Variants in UNC79 observed in about 807,000 individuals in gnomAD.
The protein encoded by UNC79 is unc-79 subunit of NALCN channel complex.
A neutral mutation model predicts 283.1 loss-of-function variants in UNC79; 37 were observed. That is an observed-to-expected ratio of 0.13 (90% CI 0.10 to 0.17). The LOEUF is 0.17. Ranked by LOEUF, UNC79 falls within the 10% of genes least tolerant of loss-of-function variation. UNC79 has a pLI of 1.00. For synonymous variants in UNC79, 1,107 were observed against 1,200.2 expected (o/e 0.92, Z 1.61); for missense variants, 2,272 against 3,211.1 (o/e 0.71, Z 7.07).
chr14:93,441,840 C>T (rs2056309085), intron 1 of UNC79, among the ~76,000 whole-genome samples: 1 of 152,062 alleles, frequency 6.6e-6, no homozygotes, highest in Non-Finnish European at 1.5e-5. Context: ...ATATTTAATA[C>T]TCATCACTCA....
At chr14:93,589,584 A>C (rs922825618) in intron 22 of UNC79, among the ~76,000 whole-genome samples, 7 of 152,116 alleles carry the variant, frequency 4.6e-5, no homozygotes, top group Non-Finnish European at 1.0e-4. Flanking sequence ...GGCCCGCCTG[A>C]GGAGCAAGAC....
intron 14 of UNC79, among the ~76,000 whole-genome samples, chr14:93,562,624 G>T (rs985260131): frequency 1.3e-5 from 2 of 152,090 alleles, no homozygotes; most frequent in African/African-American, 4.8e-5. Flanking sequence ...AGATATGAAG[G>T]TTCCACTGAA....
intron 1 of UNC79, among the ~76,000 whole-genome samples, chr14:93,420,799 G>A (rs1013538337): frequency 6.6e-6 from 1 of 151,634 alleles, no homozygotes; most frequent in African/African-American, 2.4e-5. Flanking sequence ...TCAATAACAA[G>A]AGGAACTTTG....
Position 93,519,059 on chromosome 14 carries a change from T to TATAGG in UNC79, c.899-4919_899-4918insATAGG, listed in dbSNP as rs2060201566. Reference sequence around the variant, plus strand: ...ATAGGTTAAGTTGTTTGAGAGTGTTTTCAAGTCTTATATATTTGCTGATTT... The same window carrying TATAGG: ...ATAGGTTAAGTTGTTTGAGAGTGTTTATAGGTCAAGTCTTATATATTTGCTGATTT... On this transcript the variant is annotated intron_variant, in intron 7 of 48. Coordinates refer to ENST00000555664, the Ensembl canonical transcript of UNC79. Among the ~76,000 whole-genome samples, 3 of 151,878 alleles carry TATAGG rather than the reference T, an allele frequency of 2.0e-5. No individual in the cohort carries two copies. In the East Asian group the frequency reaches 5.8e-4, roughly 29 times the overall value.
In UNC79 at chr14:93,621,104, T is replaced by A; in HGVS notation, c.4388-517T>A. 2.2e-6 allele frequency: 1 copy of A among 452,338 alleles called. No individual in the cohort carries two copies. The highest frequency in any genetic ancestry group is 2.5e-5 in the Admixed American group (1 of 39,412). The allele number at this position is 452,338 out of a possible 1,614,324, so 28.0% of individuals were successfully genotyped here. Reference sequence around the variant, plus strand: ...GTTGTACTCTACCGTTTGTTTGGGGTGAAATCTTAATTTTATTATGTTACT... The same window carrying A: ...GTTGTACTCTACCGTTTGTTTGGGGAGAAATCTTAATTTTATTATGTTACT... On this transcript the variant is annotated intron_variant, in intron 29 of 48. Transcript: ENST00000555664. The surrounding 1 kb of genome is among the most constrained non-coding windows in gnomAD (Gnocchi z 4.8).
chr14:93,545,409 T>G (rs868398211), intron 14 of UNC79, among the ~76,000 whole-genome samples: 2 of 152,198 alleles, frequency 1.3e-5, no homozygotes, highest in Non-Finnish European at 2.9e-5. Context: ...GATTGGACTT[T>G]TAGAGGTTTC....
At position 93,361,321 on chromosome 14, in the gene UNC79, G is replaced by A. The variant is rs144315151; in HGVS notation, c.-351+27798G>A. On this transcript the variant is annotated intron_variant, in intron 1 of 49. Transcript: ENST00000256339. ...TAGGCAACACATTCCTCATTTGGGT[G>A]TGTTACTCCGGCCCATTTATTGAGA... is the stretch of plus-strand genomic sequence containing the variant. 4.8e-3 allele frequency among the ~76,000 whole-genome samples: 733 copies of A among 151,136 alleles called. 5 individuals carry two copies. Among genetic ancestry groups the A allele is most frequent in the African/African-American group, 0.017 (685 of 41,190 alleles).
At chr14:93,526,653 A>G (rs556114441) in intron 8 of UNC79, among the ~76,000 whole-genome samples, 101 of 152,234 alleles carry the variant, frequency 6.6e-4, no homozygotes, top group Non-Finnish European at 9.4e-4. Context: ...GTGTGGATGT[A>G]AACCAACCTG....
At chr14:93,593,871 TCA>T (rs1263314026) in intron 23 of UNC79, 34 bp downstream of exon 23, 17 of 1,604,168 alleles carry the variant, frequency 1.1e-5, no homozygotes, top group East Asian at 8.9e-5. Context: ...TCATTCTGGG[TCA>T]CACAGTACAC....
At chr14:93,565,307 G>A (rs1272013739) in intron 14 of UNC79, among the ~76,000 whole-genome samples, 1 of 152,158 alleles carries the variant, frequency 6.6e-6, no homozygotes, top group East Asian at 1.9e-4. Flanking sequence ...AGCCCTTAAT[G>A]CATTGTAATT....
At chr14:93,495,835 C>A (rs1344483888) in intron 5 of UNC79, among the ~76,000 whole-genome samples, 1 of 152,172 alleles carries the variant, frequency 6.6e-6, no homozygotes, top group Non-Finnish European at 1.5e-5. Flanking sequence ...TGAAGATAGG[C>A]AAATCAAGGA....
intron 41 of UNC79, among the ~76,000 whole-genome samples, chr14:93,681,441 T>C (rs542276582): frequency 2.4e-4 from 37 of 152,230 alleles, no homozygotes; most frequent in Non-Finnish European, 4.4e-4. Context: ...TTTAAACCCC[T>C]GACTAGCCCG....
At chr14:93,527,880 T>C (rs913206480) in intron 8 of UNC79, among the ~76,000 whole-genome samples, 7 of 152,050 alleles carry the variant, frequency 4.6e-5, no homozygotes, top group Non-Finnish European at 1.0e-4. Flanking sequence ...TGATCAACTG[T>C]GAAATTAACA....
chr14:93,442,181 A>T (rs1321023362), intron 1 of UNC79, among the ~76,000 whole-genome samples: 1 of 152,062 alleles, frequency 6.6e-6, no homozygotes, highest in Non-Finnish European at 1.5e-5. Flanking sequence ...TTGTTGGGTC[A>T]TGCTGAAATG....
chr14:93,504,386 G>A (rs1234711370), intron 7 of UNC79, among the ~76,000 whole-genome samples: 1 of 151,772 alleles, frequency 6.6e-6, no homozygotes, highest in Non-Finnish European at 1.5e-5. Flanking sequence ...ATTTTGATTG[G>A]GATTGTCTTG....
At chr14:93,618,468 A>AG in intron 29 of UNC79, 114 bp downstream of exon 30, 2 of 1,210,362 alleles carry the variant, frequency 1.7e-6, no homozygotes, top group Non-Finnish European at 1.1e-6. Flanking sequence ...GTAAAAAAAA[A>AG]AATCACTTTC....
chr14:93,704,605 T>G lies in UNC79; in HGVS notation c.7549-20T>G, dbSNP rs2075747489. 3 of 1,614,026 alleles carry G rather than the reference T, an allele frequency of 1.9e-6. No homozygotes were observed. Among genetic ancestry groups the G allele is most frequent in the Non-Finnish European group, 1.7e-6 (2 of 1,179,868 alleles). ...GAATAGAGGACACTAATAATGAAGC[T>G]TTTGTCTTTCTCTATACAGCTGATA... On this transcript the variant is annotated intron_variant, in intron 47 of 48. Transcript: ENST00000555664.
chr14:93,372,652 G>C (rs1300162951), intron 1 of UNC79, among the ~76,000 whole-genome samples: 2 of 152,112 alleles, frequency 1.3e-5, no homozygotes, highest in Non-Finnish European at 2.9e-5. Flanking sequence ...TAACAACAAA[G>C]GATCAAAATA....
At chr14:93,707,689 G>A (rs2075948649), downstream of UNC79, 1 of 152,228 alleles carries the variant, frequency 6.6e-6, no homozygotes, top group Non-Finnish European at 1.5e-5. Flanking sequence ...TGCACCTGGA[G>A]TGATGTTTCA....
Sources: gnomAD v4.1 joint callset for allele counts (sites outside exome capture counted in the v4.1 genomes callset) on GRCh38, gnomAD v4.1.1 for gene constraint, Gnocchi (gnomAD v3.1) non-coding constraint, MANE v1.5 for transcripts, NCBI Gene and HGNC (gene_info 2026-07-23, HGNC 2026-07-21) for gene names.